The following INO80D variants were observed in gnomAD, a reference collection of about 807,000 sequenced individuals.
INO80D encodes INO80 complex subunit D.
INO80D carries 21 observed loss-of-function variants against 87.6 expected under a neutral mutation model. The ratio of observed to expected loss-of-function variants is 0.24; its 90% confidence interval spans 0.17 to 0.35. INO80D has a LOEUF of 0.35. Ranked by LOEUF, INO80D falls within the 10% of genes least tolerant of loss-of-function variation. The pLI is 1.00. For missense variants in INO80D, 982 were observed against 1,280.7 expected, an observed-to-expected ratio of 0.77 and a Z score of 3.56; for synonymous variants, 440 against 491.0, an observed-to-expected ratio of 0.90 and a Z score of 1.37.
At chr2:206,010,898 C>T (rs1434221792) in intron 8 of INO80D, among the ~76,000 whole-genome samples, 3 of 151,744 alleles carry the variant, frequency 2.0e-5, no homozygotes, top group Admixed American at 6.6e-5. Flanking sequence ...GCCAACATGG[C>T]GAAACTCCAT....
chr2:206,060,001 C>T (rs956140418), intron 3 of INO80D, among the ~76,000 whole-genome samples: 5 of 151,974 alleles, frequency 3.3e-5, no homozygotes, highest in African/African-American at 1.2e-4. Flanking sequence ...GCCTGGAGTT[C>T]GAAACAAGCC....
chr2:206,029,272 T>C (rs779065826), intron 5 of INO80D, among the ~76,000 whole-genome samples: 9 of 152,194 alleles, frequency 5.9e-5, no homozygotes, highest in African/African-American at 1.4e-4. Context: ...TTCCATCACA[T>C]GCTAATAATG....
intron 6 of INO80D, among the ~76,000 whole-genome samples, chr2:206,022,235 C>T (rs928177438): frequency 2.6e-5 from 4 of 151,576 alleles, no homozygotes; most frequent in African/African-American, 9.7e-5. Context: ...GGCATGGTGG[C>T]GGGCACCTGT....
At position 206,056,883 on chromosome 2, in the gene INO80D, C is replaced by A. The variant is rs747785950; in HGVS notation, c.279G>T (p.Lys93Asn). ...CCTTCACCTCATCTATAGGATCATTCTTTTTCTTCCTCTCTTTTTTCGGGA... is the reference window on the plus strand; with the variant it reads ...CCTTCACCTCATCTATAGGATCATTATTTTTCTTCCTCTCTTTTTTCGGGA... ...GFIPKKERKK[K>N]NDPIDEVKVR... The change falls in exon 4 of 11, where the codon AAG becomes AAT. Residue 93 changes from lysine (K) to asparagine (N), a missense_variant. Lys to Asn is a moderately conservative substitution (Grantham distance 94, BLOSUM62 0). Transcript: ENST00000403263. 1.2e-6 allele frequency: 2 copies of A among 1,608,574 alleles called. No homozygotes were observed. The highest frequency in any genetic ancestry group is 3.4e-5 in the Admixed American group (2 of 59,470).
At chr2:206,039,841 G>T (rs1010701165) in intron 5 of INO80D, among the ~76,000 whole-genome samples, 32 of 145,634 alleles carry the variant, frequency 2.2e-4, no homozygotes, top group Non-Finnish European at 3.2e-4. Flanking sequence ...AAGAAAGAAA[G>T]AAAAAATATT....
Position 206,056,396 on chromosome 2 carries a change from G to C in INO80D, c.766C>G (p.Arg256Gly). The change falls in exon 4 of 11, where the codon CGG (arginine) becomes GGG (glycine). Residue 256 changes from arginine (R) to glycine (G), a missense_variant. Physicochemically the swap from Arg to Gly is moderately radical, Grantham distance 125 (BLOSUM62 -2). Coordinates refer to ENST00000403263, the MANE Select transcript of INO80D (RefSeq NM_017759.5). ...AGAGGCCTCTTGTGAGACAACTGCC[G>C]TGCTTGTGCTATAGTGTGTGTGGTG... The part of the protein sequence containing the change: ...APTTHTIAQA[R>G]QLSHKRPLPL... 6.2e-7 allele frequency: 1 copy of C among 1,613,894 alleles called. No individual in the cohort carries two copies. The highest frequency in any genetic ancestry group is 8.5e-7 in the Non-Finnish European group (1 of 1,179,862).
rs756875625 is a variant in INO80D at position 206,004,752 on chromosome 2, G to A, written c.2700C>T (p.Pro900=). The A allele has an allele frequency of 6.2e-7, 1 of 1,614,008 alleles. No homozygotes were observed. The highest frequency in any genetic ancestry group is 8.5e-7 in the Non-Finnish European group (1 of 1,179,878). The stretch of plus-strand genomic sequence containing the variant: ...CGCCGAGAAGGTTGCTAAATGGAGA[G>A]GGGTCTCCAAGGTTGACAGGGAGAT... ...WGNLPVNLGD[P]SPFSNLLGAD... is the part of the protein sequence containing the mutation. Residue 900 remains proline, a synonymous_variant, in exon 11 of 11, where the codon CCC becomes CCT. Coordinates refer to ENST00000403263, the MANE Select transcript of INO80D (RefSeq NM_017759.5). This position sits in a 1 kb window ranked among gnomAD's most constrained non-coding sequence, Gnocchi z 4.9.
At chr2:206,022,065 G>A (rs905856265) in intron 6 of INO80D, among the ~76,000 whole-genome samples, 1 of 151,760 alleles carries the variant, frequency 6.6e-6, no homozygotes, top group African/African-American at 2.4e-5. Flanking sequence ...ATAACCCCAT[G>A]GACAAATTAA....
intron 5 of INO80D, among the ~76,000 whole-genome samples, chr2:206,031,638 CT>C (rs1688769603): frequency 6.6e-6 from 1 of 152,336 alleles, no homozygotes; most frequent in African/African-American, 2.4e-5. Flanking sequence ...CACTTTACCC[CT>C]AGGACTGGCT....
chr2:206,021,703 C>T (rs1688469783), intron 6 of INO80D, among the ~76,000 whole-genome samples: 2 of 152,128 alleles, frequency 1.3e-5, no homozygotes, highest in African/African-American at 4.8e-5. Flanking sequence ...ACCCTCACCT[C>T]CCGGGTTCAG....
chr2:206,070,018 A>ACC (rs1464797412), intron 1 of INO80D, among the ~76,000 whole-genome samples: 1 of 152,358 alleles, frequency 6.6e-6, no homozygotes, highest in African/African-American at 2.4e-5. Context: ...GCACGCCTGT[A>ACC]ATCCCAGCAC....
At chr2:206,017,123 T>C (rs1347839097) in intron 8 of INO80D, among the ~76,000 whole-genome samples, 3 of 152,154 alleles carry the variant, frequency 2.0e-5, no homozygotes, top group Admixed American at 2.0e-4. Context: ...CTAATACCCA[T>C]TCCCTCACCC....
intron 9 of INO80D, among the ~76,000 whole-genome samples, chr2:206,008,506 C>T (rs1688087571): frequency 6.6e-6 from 1 of 151,242 alleles, no homozygotes; most frequent in African/African-American, 2.4e-5. Flanking sequence ...GTCTCGAACT[C>T]CTGACATCAT....
chr2:206,001,738 A>G lies in INO80D; in HGVS notation c.*2630T>C, dbSNP rs1326639863. On this transcript the variant is annotated 3_prime_UTR_variant, in exon 11 of 11. Coordinates refer to ENST00000403263, the MANE Select transcript of INO80D (RefSeq NM_017759.5). ...AGAGCAAAGCAAATTGCAAACTTTG[A>G]TATCTGTTTTGAACTAGATAAAATA... The G allele has an allele frequency of 6.6e-6, 1 of 152,214 alleles. No individual in the cohort carries two copies. The highest frequency in any genetic ancestry group is 1.9e-4 in the East Asian group (1 of 5,200). The allele number at this position is 152,214 out of a possible 1,614,324, so 9.4% of individuals were successfully genotyped here.
chr2:206,044,303 T>G (rs1689135416), intron 5 of INO80D, among the ~76,000 whole-genome samples: 1 of 151,892 alleles, frequency 6.6e-6, no homozygotes, highest in African/African-American at 2.4e-5. Flanking sequence ...TAAACCAACA[T>G]GTTTGCCCAA....
intron 1 of INO80D, among the ~76,000 whole-genome samples, chr2:206,065,928 T>TA (rs1434022328): frequency 6.6e-6 from 1 of 152,176 alleles, no homozygotes; most frequent in African/African-American, 2.4e-5. Context: ...GGAACTCTTG[T>TA]ACGCTGTTTG....
chr2:206,060,530 G>A (rs759401103), intron 3 of INO80D, among the ~76,000 whole-genome samples: 3 of 118,468 alleles, frequency 2.5e-5, no homozygotes, highest in African/African-American at 3.9e-5. Flanking sequence ...GCGAGACTCC[G>A]TCAAAAAAAA....
At chr2:206,047,913 T>G (rs1430267751) in intron 4 of INO80D, among the ~76,000 whole-genome samples, 1 of 149,492 alleles carries the variant, frequency 6.7e-6, no homozygotes. Context: ...TGCAGTGGCG[T>G]GATCTCTGCT....
chr2:206,037,306 C>A (rs763866431), intron 5 of INO80D, among the ~76,000 whole-genome samples: 3 of 152,204 alleles, frequency 2.0e-5, no homozygotes, highest in Non-Finnish European at 2.9e-5. Context: ...TCCATAATCT[C>A]AAGGCATGCC....
Sources: allele counts gnomAD v4.1 joint callset (sites outside exome capture counted in the v4.1 genomes callset), GRCh38; gene constraint gnomAD v4.1.1; non-coding constraint Gnocchi (gnomAD v3.1); transcripts MANE v1.5; gene names NCBI Gene and HGNC (gene_info 2026-07-23, HGNC 2026-07-21).